Variants in NTRK2 observed in about 807,000 individuals in gnomAD.
The protein encoded by NTRK2 is BDNF/NT-3 growth factors receptor.
A neutral mutation model predicts 94.5 loss-of-function variants in NTRK2; 13 were observed. The observed-to-expected ratio is 0.14, with a 90% CI of 0.09 to 0.22. The LOEUF (loss-of-function observed/expected upper bound fraction) is 0.22. Ranked by LOEUF, NTRK2 falls within the 10% of genes least tolerant of loss-of-function variation. The pLI, the probability that NTRK2 is intolerant of heterozygous loss-of-function variation, is 1.00. For synonymous variants in NTRK2, 372 were observed against 407.4 expected (o/e 0.91, Z 1.05); for missense variants, 639 against 1,071.2 (o/e 0.60, Z 5.63).
intron 12 of NTRK2, among the ~76,000 whole-genome samples, chr9:84,832,597 CGTT>C (rs1327164632): frequency 1.3e-5 from 2 of 152,146 alleles, no homozygotes; most frequent in African/African-American, 4.8e-5. Flanking sequence ...GATGCAGCAT[CGTT>C]GTTGCGTGTG....
chr9:84,916,512 G>A (rs1319301138), intron 14 of NTRK2, among the ~76,000 whole-genome samples: 2 of 152,238 alleles, frequency 1.3e-5, no homozygotes, highest in Admixed American at 1.3e-4. Context: ...CAATCAATAG[G>A]TGGAGACACG....
At chr9:84,835,829 T>C (rs963524491) in intron 12 of NTRK2, among the ~76,000 whole-genome samples, 8 of 152,232 alleles carry the variant, frequency 5.3e-5, no homozygotes, top group African/African-American at 1.2e-4. Flanking sequence ...TTATGGCTCA[T>C]AGAGCTTGCT....
chr9:84,745,740 G>A (rs527752156), intron 11 of NTRK2, among the ~76,000 whole-genome samples: 14 of 152,316 alleles, frequency 9.2e-5, no homozygotes, highest in Admixed American at 5.2e-4. Context: ...GTGAACAGGA[G>A]CTTGTAGGTG....
chr9:84,682,657 C>T (rs2059460900), intron 2 of NTRK2, among the ~76,000 whole-genome samples: 1 of 152,152 alleles, frequency 6.6e-6, no homozygotes, highest in East Asian at 1.9e-4. Flanking sequence ...CCCTCAGCTC[C>T]CCTCTCCAAT....
intron 12 of NTRK2, among the ~76,000 whole-genome samples, chr9:84,766,280 A>T (rs753845088): frequency 2.6e-5 from 4 of 152,102 alleles, no homozygotes; most frequent in Non-Finnish European, 4.4e-5. Flanking sequence ...TGGGTGCAAG[A>T]CTAAGGTGGC....
At chr9:84,838,648 T>C (rs1296734097) in intron 12 of NTRK2, among the ~76,000 whole-genome samples, 2 of 152,142 alleles carry the variant, frequency 1.3e-5, no homozygotes, top group African/African-American at 4.8e-5. Context: ...CAAAAGTATT[T>C]AAGAAAAAAT....
chr9:84,782,977 A>G (rs534416328), intron 12 of NTRK2, among the ~76,000 whole-genome samples: 2 of 152,284 alleles, frequency 1.3e-5, no homozygotes, highest in African/African-American at 2.4e-5. Context: ...AATATACAAT[A>G]CTTCTCACAT....
chr9:84,758,160 T>TG lies in NTRK2; in HGVS notation c.1396+6077dup, dbSNP rs1166583474. Among the ~76,000 whole-genome samples the TG allele has an allele frequency of 5.9e-5, 9 of 152,064 alleles. No homozygotes were observed. The East Asian group carries it at 1.7e-3, about 29-fold the overall frequency. ...TATATTTATTTATTCATGATATTTG[T>TG]GGCTCATATTTTCTTCTAGTCTTTT... is the stretch of plus-strand genomic sequence containing the variant. On this transcript the variant is annotated intron_variant, in intron 12 of 18. Transcript: ENST00000277120.
chr9:84,715,769 C>A (rs1032757248), intron 6 of NTRK2, among the ~76,000 whole-genome samples: 1 of 151,994 alleles, frequency 6.6e-6, no homozygotes, highest in Non-Finnish European at 1.5e-5. Flanking sequence ...TTATTTATCA[C>A]GTAGTATTTT....
At chr9:84,815,734 T>A (rs2072333623) in intron 12 of NTRK2, 5 of 1,006,096 alleles carry the variant, frequency 5.0e-6, no homozygotes, top group Admixed American at 6.0e-5. Context: ...CTGTAGATCT[T>A]GTGTACTTCC....
At chr9:85,003,438 G>A (rs1209732552) in intron 17 of NTRK2, among the ~76,000 whole-genome samples, 1 of 152,188 alleles carries the variant, frequency 6.6e-6, no homozygotes, top group Non-Finnish European at 1.5e-5. Context: ...AATAATAATT[G>A]TAGCTAGTTC....
intron 2 of NTRK2, among the ~76,000 whole-genome samples, chr9:84,685,162 TA>T (rs1411901157): frequency 6.6e-6 from 1 of 152,108 alleles, no homozygotes; most frequent in Non-Finnish European, 1.5e-5. Context: ...ATTGTTTTAT[TA>T]TTTTTTTTTT....
intron 15 of NTRK2, among the ~76,000 whole-genome samples, chr9:84,944,243 A>C (rs2078519185): frequency 6.8e-6 from 1 of 147,976 alleles, no homozygotes. Context: ...ACACACACAC[A>C]CACACACACA....
chr9:84,965,507 G>T (rs1479775263), intron 17 of NTRK2, among the ~76,000 whole-genome samples: 1 of 152,166 alleles, frequency 6.6e-6, no homozygotes, highest in Non-Finnish European at 1.5e-5. Context: ...AGAATTTGAG[G>T]TGGGCCTTAA....
intron 12 of NTRK2, among the ~76,000 whole-genome samples, chr9:84,821,790 C>A (rs2072854313): frequency 6.8e-6 from 1 of 147,134 alleles, no homozygotes; most frequent in Admixed American, 6.9e-5. Flanking sequence ...ATAATATTAA[C>A]CCTCTTAGCA....
chr9:84,793,231 T>C (rs2068914364), intron 12 of NTRK2, among the ~76,000 whole-genome samples: 2 of 152,008 alleles, frequency 1.3e-5, no homozygotes, highest in Non-Finnish European at 2.9e-5. Context: ...AAAGAGAAAT[T>C]GGAAGAAAAT....
At chr9:84,840,202 G>T (rs1167006077) in intron 12 of NTRK2, among the ~76,000 whole-genome samples, 5 of 150,050 alleles carry the variant, frequency 3.3e-5, no homozygotes, top group African/African-American at 1.2e-4. Flanking sequence ...CCTTGAATTT[G>T]TCCTGTTTCC....
intron 17 of NTRK2, among the ~76,000 whole-genome samples, chr9:84,992,679 C>T (rs571529195): frequency 3.0e-4 from 45 of 152,202 alleles, no homozygotes; most frequent in African/African-American, 1.1e-3. Context: ...TGCCTCATTG[C>T]TGCATCAAAG....
intron 12 of NTRK2, chr9:84,814,340 A>C: frequency 9.4e-7 from 1 of 1,065,548 alleles, no homozygotes; most frequent in East Asian, 5.0e-5. Context: ...AGCTGAAGAC[A>C]GAAAACCAGT....
Sources: allele counts gnomAD v4.1 joint callset (sites outside exome capture counted in the v4.1 genomes callset), GRCh38; gene constraint gnomAD v4.1.1; transcripts MANE v1.5; gene names NCBI Gene and HGNC (gene_info 2026-07-23, HGNC 2026-07-21).